Variants in PDE4D observed in about 807,000 individuals in gnomAD.
PDE4D encodes the protein 3',5'-cyclic-AMP phosphodiesterase 4D.
A neutral mutation model predicts 87.4 loss-of-function variants in PDE4D; 24 were observed. The observed-to-expected ratio is 0.27, with a 90% CI of 0.20 to 0.39. The LOEUF is 0.39. Among genes scored for constraint, PDE4D ranks in the 10% least tolerant of loss-of-function variants. The pLI, the probability that PDE4D is intolerant of heterozygous loss-of-function variation, is 1.00. For synonymous variants in PDE4D, 384 were observed against 383.2 expected (o/e 1.00, Z -0.02); for missense variants, 714 against 1,041.0 (o/e 0.69, Z 4.32).
At position 59,430,859 on chromosome 5, in the gene PDE4D, G is replaced by A. The variant is rs573166291; in HGVS notation, c.456-214891C>T. 1.2e-3 allele frequency among the ~76,000 whole-genome samples: 186 copies of A among 152,252 alleles called. 1 individual carries two copies. The highest frequency in any genetic ancestry group is 4.4e-3 in the African/African-American group (181 of 41,554). On this transcript the variant is annotated intron_variant, in intron 1 of 14. Coordinates refer to ENST00000340635, the MANE Select transcript of PDE4D (RefSeq NM_001104631.2). ...TAAACAAAGCATGCATATCTGATAG[G>A]AAGGAAATAATTATTTGCTATATTT...
intron 2 of PDE4D, among the ~76,000 whole-genome samples, chr5:60,090,053 A>G (rs1774965850): frequency 6.6e-6 from 1 of 152,134 alleles, no homozygotes; most frequent in African/African-American, 2.4e-5. Flanking sequence ...AAAGCCCAGG[A>G]TCTGACAGCT....
chr5:60,138,635 C>T (rs13189802), intron 2 of PDE4D, among the ~76,000 whole-genome samples: 103,461 of 151,820 alleles, frequency 0.68, 35,791 homozygotes, highest in African/African-American at 0.7. Flanking sequence ...GAATTATATA[C>T]GTTCTCACTG....
chr5:60,511,789 T>C (rs1750586944), intron 1 of PDE4D, among the ~76,000 whole-genome samples: 1 of 151,886 alleles, frequency 6.6e-6, no homozygotes, highest in Non-Finnish European at 1.5e-5. Flanking sequence ...TGCATTTTAG[T>C]ACAGAAAAAA....
intron 1 of PDE4D, among the ~76,000 whole-genome samples, chr5:59,258,551 A>G (rs1761390456): frequency 6.6e-6 from 1 of 151,550 alleles, no homozygotes; most frequent in African/African-American, 2.4e-5. Context: ...TTTTATATAT[A>G]AAAGTATATT....
intron 1 of PDE4D, among the ~76,000 whole-genome samples, chr5:59,794,141 A>G (rs1446263198): frequency 0.017 from 228 of 13,496 alleles, no homozygotes; most frequent in East Asian, 0.036. Context: ...AGAGGCGCAC[A>G]CACACACACA....
intron 1 of PDE4D, among the ~76,000 whole-genome samples, chr5:59,544,071 A>G (rs1029480909): frequency 6.6e-5 from 10 of 152,212 alleles, no homozygotes; most frequent in Admixed American, 6.5e-4. Flanking sequence ...AAAATGCTAC[A>G]TGCCAGCTTC....
intron 3 of PDE4D, among the ~76,000 whole-genome samples, chr5:59,912,358 C>T (rs748603679): frequency 1.3e-5 from 2 of 152,074 alleles, no homozygotes; most frequent in Admixed American, 6.5e-5. Flanking sequence ...AAATATTTCC[C>T]GGGAAGGAAA....
chr5:59,852,496 C>A (rs1268731507), intron 1 of PDE4D, among the ~76,000 whole-genome samples: 1 of 152,040 alleles, frequency 6.6e-6, no homozygotes, highest in East Asian at 1.9e-4. Flanking sequence ...ACAGCAGGCA[C>A]TAATGTGCCA....
intron 1 of PDE4D, among the ~76,000 whole-genome samples, chr5:59,684,648 AG>A (rs1464667782): frequency 2.0e-5 from 3 of 152,212 alleles, no homozygotes; most frequent in Admixed American, 6.5e-5. Context: ...GATATGCTGC[AG>A]ACCTCCAACT....
intron 1 of PDE4D, among the ~76,000 whole-genome samples, chr5:59,318,561 T>TA (rs1774153405): frequency 2.0e-5 from 3 of 151,972 alleles, no homozygotes; most frequent in East Asian, 1.9e-4. Flanking sequence ...AGCCATTTTT[T>TA]AAAAAAAGGG....
At chr5:59,818,866 T>A (rs2152686237) in intron 1 of PDE4D, among the ~76,000 whole-genome samples, 10 of 112,018 alleles carry the variant, frequency 8.9e-5, no homozygotes, top group Admixed American at 9.5e-5. Context: ...AAAAAAAAAG[T>A]AGATAAAAAA....
intron 1 of PDE4D, among the ~76,000 whole-genome samples, chr5:60,350,684 T>A (rs1265554606): frequency 6.6e-6 from 1 of 152,188 alleles, no homozygotes; most frequent in Non-Finnish European, 1.5e-5. Context: ...CCAAATGGCC[T>A]AACTATTCAA....
At chr5:59,712,795 T>C (rs1019344699) in intron 1 of PDE4D, among the ~76,000 whole-genome samples, 5 of 152,152 alleles carry the variant, frequency 3.3e-5, no homozygotes, top group Non-Finnish European at 5.9e-5. Flanking sequence ...GTTTCAGGCA[T>C]AATAACATTG....
chr5:59,580,646 T>G (rs1023672368), intron 1 of PDE4D, among the ~76,000 whole-genome samples: 8 of 151,914 alleles, frequency 5.3e-5, no homozygotes, highest in South Asian at 2.1e-4. Flanking sequence ...TTTAAAAAAA[T>G]AGAGAGAGAG....
intron 1 of PDE4D, among the ~76,000 whole-genome samples, chr5:59,817,289 A>G (rs536151361): frequency 2.0e-5 from 3 of 152,278 alleles, no homozygotes; most frequent in African/African-American, 7.2e-5. Context: ...GGAGCTCTGT[A>G]TTTTTTATTT....
At chr5:59,588,215 C>T (rs1825464057) in intron 1 of PDE4D, among the ~76,000 whole-genome samples, 1 of 152,048 alleles carries the variant, frequency 6.6e-6, no homozygotes, top group Non-Finnish European at 1.5e-5. Flanking sequence ...CGTTGCAATC[C>T]CTATCACTGA....
chr5:60,047,359 C>G (rs1769416190), intron 2 of PDE4D, among the ~76,000 whole-genome samples: 1 of 152,070 alleles, frequency 6.6e-6, no homozygotes, highest in Non-Finnish European at 1.5e-5. Flanking sequence ...TTTTGTGTCA[C>G]TATTTCCTTC....
chr5:60,031,245 G>T (rs1208147576), intron 2 of PDE4D, among the ~76,000 whole-genome samples: 1 of 152,186 alleles, frequency 6.6e-6, no homozygotes, highest in Non-Finnish European at 1.5e-5. Context: ...ATAGATACAA[G>T]AAGAGGCTTT....
chr5:59,843,973 C>T (rs1372324414), intron 1 of PDE4D, among the ~76,000 whole-genome samples: 1 of 152,062 alleles, frequency 6.6e-6, no homozygotes, highest in Non-Finnish European at 1.5e-5. Context: ...ATTTCTTGCT[C>T]AATGTTTAGT....
Sources: allele counts gnomAD v4.1 joint callset (sites outside exome capture counted in the v4.1 genomes callset), GRCh38; gene constraint gnomAD v4.1.1; transcripts MANE v1.5; gene names NCBI Gene and HGNC (gene_info 2026-07-23, HGNC 2026-07-21).